NEK8: variants seen among roughly 807,000 people sequenced by gnomAD.
The protein encoded by NEK8 is NIMA related kinase 8, also known as serine/threonine-protein kinase Nek8.
A neutral mutation model predicts 77.2 loss-of-function variants in NEK8; 51 were observed. The ratio of observed to expected loss-of-function variants is 0.66; its 90% CI spans 0.53 to 0.83. The LOEUF is 0.83. Ranked by LOEUF, NEK8 falls within the 40% of genes least tolerant of loss-of-function variation. NEK8 has a pLI of 0.00. For synonymous variants in NEK8, 365 were observed against 363.2 expected (o/e 1.00, Z -0.06); for missense variants, 787 against 909.2 (o/e 0.87, Z 1.73).
chr17:28,731,200 G>T (rs1384784157), intron 1 of NEK8, among the ~76,000 whole-genome samples: 1 of 151,766 alleles, frequency 6.6e-6, no homozygotes, highest in African/African-American at 2.4e-5. Context: ...CTGTGCCATT[G>T]CACTACAGCC....
chr17:28,739,017 G>T, intron 9 of NEK8, 67 bp from the exon 10 acceptor site: 2 of 1,150,212 alleles, frequency 1.7e-6, no homozygotes, highest in Non-Finnish European at 2.6e-6. Context: ...TGTCCCTACA[G>T]GGGGTGTTGA....
rs2034384900 is a variant in NEK8 at position 28,738,099 on chromosome 17, C to T, written c.1076C>T (p.Pro359Leu). 1 of 1,613,484 alleles carries T rather than the reference C, an allele frequency of 6.2e-7. No individual in the cohort carries two copies. The highest frequency in any genetic ancestry group is 1.1e-5 in the South Asian group (1 of 91,038). ...RSGRLILWEA[P>L]PLGAGGGSLL... ...CCCATCCCCCTGCCCCTGCAGGCCC[C>T]ACCCCTAGGTGCAGGCGGAGGCAGT... The change falls in exon 8 of 15, where the codon CCA becomes CTA. Residue 359 changes from proline (P) to leucine (L), a missense_variant. Pro to Leu is a moderately conservative substitution (Grantham distance 98). Around this residue, in one of 2 missense-constraint regions of NEK8, gnomAD observed 516 missense variants for 544.0 expected, o/e 0.95. Coordinates refer to ENST00000268766, the MANE Select transcript of NEK8 (RefSeq NM_178170.3).
chr17:28,735,350 C>T lies in NEK8; in HGVS notation c.597C>T (p.Leu199=), dbSNP rs777365994. ...GTGTCCTCTACGAGCTGGCCAGCCT[C>T]AAGAGGGCTTTCGAGGCTGCGGTGA... ...LGCVLYELAS[L]KRAFEAANLP... is the part of the protein sequence containing the mutation. Residue 199 remains leucine, a synonymous_variant, in exon 4 of 15, where the codon CTC becomes CTT. Transcript: ENST00000268766. The T allele has an allele frequency of 2.5e-6, 4 of 1,613,908 alleles. No individual in the cohort carries two copies. Among genetic ancestry groups the T allele is most frequent in the Non-Finnish European group, 8.5e-7 (1 of 1,179,964 alleles).
rs537387525 is a variant in NEK8 at position 28,742,331 on chromosome 17, C to T, written c.*344C>T. ...GAAGGCAGCCGGGCGCAGTGGCTCA[C>T]GCCTGTAATCCCAGCACTTTGGGAG... On this transcript the variant is annotated 3_prime_UTR_variant, in exon 15 of 15. Transcript: ENST00000268766. The T allele has an allele frequency of 8.9e-4, 362 of 408,828 alleles. 3 individuals carry two copies. The highest frequency in any genetic ancestry group is 2.0e-3 in the South Asian group (93 of 46,336). The allele number at this position is 408,828 out of a possible 1,614,324, so 25.3% of individuals were successfully genotyped here.
Position 28,737,474 on chromosome 17 carries a change from C to G in NEK8, c.787C>G (p.Leu263Val). The G allele has an allele frequency of 4.3e-6, 7 of 1,613,136 alleles. No homozygotes were observed. Among genetic ancestry groups the G allele is most frequent in the Non-Finnish European group, 5.9e-6 (7 of 1,180,006 alleles). Reference protein sequence around the residue: ...MAQPLCIRALLNLHTDVGSVR... With the variant: ...MAQPLCIRALVNLHTDVGSVR... Reference sequence around the variant, plus strand: ...ACAGCCCCTCTGCATCCGTGCCCTCCTCAACCTCCACACCGACGTGGGCAG... The same window carrying G: ...ACAGCCCCTCTGCATCCGTGCCCTCGTCAACCTCCACACCGACGTGGGCAG... The change falls in exon 5 of 15, where the codon CTC becomes GTC. Residue 263 changes from leucine to valine, a missense_variant. Transcript: ENST00000268766. This position sits in a 1 kb window ranked among gnomAD's most constrained non-coding sequence, Gnocchi z 4.8.
At chr17:28,734,299 G>C (rs1201681653) in intron 2 of NEK8, 111 bp downstream of exon 2, 6 of 971,480 alleles carry the variant, frequency 6.2e-6, no homozygotes, top group Non-Finnish European at 9.9e-6. Flanking sequence ...AAGGGTTAGA[G>C]TTCTGGTCCC....
chr17:28,740,909 A>G lies in NEK8; in HGVS notation c.1656A>G (p.Leu552=), dbSNP rs777804200. ...TGGAGGAGGCCCTGAGCTTCACACT[A>G]CTAGGCTCTGCACCCCTGGACCAGG... ...QQVEEALSFT[L]LGSAPLDQEP... is the part of the protein sequence containing the mutation. The change falls in exon 12 of 15, where the codon CTA becomes CTG. Residue 552 remains leucine, a synonymous_variant. Coordinates refer to ENST00000268766, the MANE Select transcript of NEK8 (RefSeq NM_178170.3). This position sits in a 1 kb window ranked among gnomAD's most constrained non-coding sequence, Gnocchi z 4.7. The G allele has an allele frequency of 1.1e-5, 18 of 1,614,030 alleles. No homozygotes were observed. Among genetic ancestry groups the G allele is most frequent in the East Asian group, 2.2e-5 (1 of 44,862 alleles).
rs60028464 is a variant in NEK8 at position 28,743,072 on chromosome 17, C to CAAAAAA, written c.*1110_*1115dup. ...TGGATGACAGAGCAAGTCTCCCTCTCAAAAAAAAAAAAAAAAAAAAAAAAA... is the reference window on the plus strand; with the variant it reads ...TGGATGACAGAGCAAGTCTCCCTCTCAAAAAAAAAAAAAAAAAAAAAAAAAAAAAAA... On this transcript the variant is annotated 3_prime_UTR_variant, in exon 15 of 15. Transcript: ENST00000268766. The CAAAAAA allele has an allele frequency of 3.0e-5, 2 of 66,244 alleles. No homozygotes were observed. Among genetic ancestry groups the CAAAAAA allele is most frequent in the Admixed American group, 1.5e-4 (1 of 6,510 alleles). The allele number at this position is 66,244 out of a possible 1,614,324, so 4.1% of individuals were successfully genotyped here. A position where few individuals can be genotyped will look rare whatever the true frequency, so the allele number is the denominator to read the frequency against.
intron 1 of NEK8, among the ~76,000 whole-genome samples, chr17:28,732,060 A>G (rs772182363): frequency 1.3e-5 from 2 of 150,646 alleles, no homozygotes; most frequent in Non-Finnish European, 3.0e-5. Flanking sequence ...TCTCCCGAGT[A>G]GCTGGGACTA....
At chr17:28,734,359 G>C (rs2034340109) in intron 2 of NEK8, 171 bp downstream of exon 2, 1 of 661,314 alleles carries the variant, frequency 1.5e-6, no homozygotes, top group South Asian at 1.7e-5. Context: ...CCAGTGCCCT[G>C]TTCCATACAT....
At position 28,735,020 on chromosome 17, in the gene NEK8, AG is replaced by A; in HGVS notation, c.486+19del. 4 of 1,582,134 alleles carry A rather than the reference AG, an allele frequency of 2.5e-6. No homozygotes were observed. The highest frequency in any genetic ancestry group is 1.7e-4 in the Middle Eastern group (1 of 6,004). Reference sequence around the variant, plus strand: ...GGCCTACACGGTGCCTGGGCATGGAAGGGACCTCCAGGGCACTAGAAGTCTT... The same window carrying A: ...GGCCTACACGGTGCCTGGGCATGGAAGGACCTCCAGGGCACTAGAAGTCTT... On this transcript the variant is annotated intron_variant, in intron 3 of 14. Transcript: ENST00000268766.
At chr17:28,735,843 G>A (rs182951759) in intron 4 of NEK8, among the ~76,000 whole-genome samples, 1 of 152,174 alleles carries the variant, frequency 6.6e-6, no homozygotes, top group East Asian at 1.9e-4. Flanking sequence ...TGATACGTAT[G>A]TATACATGTG....
rs917899567 is a variant in NEK8, at chr17:28,743,101, A to G, written c.*1114A>G. 2.1e-5 allele frequency: 3 copies of G among 144,698 alleles called. No homozygotes were observed. Among genetic ancestry groups the G allele is most frequent in the South Asian group, 2.2e-4 (1 of 4,548 alleles). 9.0% of individuals were successfully genotyped at this position (144,698 alleles called of 1,614,324 possible). A position where few individuals can be genotyped will look rare whatever the true frequency, so the allele number is the denominator to read the frequency against. ...AAAAAAAAAAAAAAAAAAAAAAAAA[A>G]AGTATTTGGTGCTTACCGGGACTCT... On this transcript the variant is annotated 3_prime_UTR_variant, in exon 15 of 15. Transcript: ENST00000268766.
rs775267899 is a variant in NEK8, at chr17:28,741,075, T to C, written c.1733-3T>C. On this transcript the variant is annotated splice_region_variant and splice_polypyrimidine_tract_variant and intron_variant, in intron 12 of 14. Transcript: ENST00000268766. This position sits in a 1 kb window ranked among gnomAD's most constrained non-coding sequence, Gnocchi z 4.5. The stretch of plus-strand genomic sequence containing the variant: ...GCACCCCTTTCCTTCCTCTCCCCCA[T>C]AGCCTCGGGTGATTGCTACACTTTT... The C allele has an allele frequency of 1.2e-6, 2 of 1,614,160 alleles. No individual in the cohort carries two copies. Among genetic ancestry groups the C allele is most frequent in the South Asian group, 1.1e-5 (1 of 91,084 alleles).
intron 8 of NEK8, 28 bp downstream of exon 8, chr17:28,738,273 C>G: frequency 6.2e-7 from 1 of 1,613,934 alleles, no homozygotes; most frequent in South Asian, 1.1e-5. Flanking sequence ...CCTTGTGGGA[C>G]CTGCTCTGAG....
At position 28,734,839 on chromosome 17, in the gene NEK8, C is replaced by A; in HGVS notation, c.321C>A (p.His107Gln). The change falls in exon 3 of 15, where the codon CAC (histidine) becomes CAA (glutamine). Residue 107 changes from histidine to glutamine, a missense_variant. Coordinates refer to ENST00000268766, the MANE Select transcript of NEK8 (RefSeq NM_178170.3). ...TGCTGGAGGAGGAGACCATCCTGCA[C>A]TTCTTCGTGCAGATCCTGCTTGCAC... is the stretch of plus-strand genomic sequence containing the variant. ...NSLLEEETIL[H>Q]FFVQILLALH... is the part of the protein sequence containing the mutation. 2 of 1,613,900 alleles carry A rather than the reference C, an allele frequency of 1.2e-6. No homozygotes were observed. The highest frequency in any genetic ancestry group is 8.5e-7 in the Non-Finnish European group (1 of 1,180,016).
chr17:28,731,403 G>A (rs1179779873), intron 1 of NEK8, among the ~76,000 whole-genome samples: 1 of 151,392 alleles, frequency 6.6e-6, no homozygotes, highest in Non-Finnish European at 1.5e-5. Flanking sequence ...CTGGGCGTGG[G>A]TGGCACGCGC....
Position 28,741,928 on chromosome 17 carries a change from G to GC in NEK8, c.2051-30dup, listed in dbSNP as rs766972863. On this transcript the variant is annotated intron_variant, in intron 14 of 14. Coordinates refer to ENST00000268766, the MANE Select transcript of NEK8 (RefSeq NM_178170.3). The surrounding 1 kb of genome is among the most constrained non-coding windows in gnomAD (Gnocchi z 4.5). The stretch of plus-strand genomic sequence containing the variant: ...ATTTCTGGAGGCACTGCCCTCAGAA[G>GC]CTGCAAGGGTTTCTCTTCGGTACCC... The GC allele has an allele frequency of 3.0e-5, 48 of 1,613,820 alleles. No individual in the cohort carries two copies. The South Asian group carries it at 5.3e-4, about 18-fold the overall frequency.
At chr17:28,738,562 C>A in intron 8 of NEK8, 109 bp from the exon 9 acceptor site, 1 of 958,656 alleles carries the variant, frequency 1.0e-6, no homozygotes, top group Non-Finnish European at 1.7e-6. Context: ...ATCCTTCCAG[C>A]CCTGGTCCCC....
Sources: gnomAD v4.1 joint callset for allele counts (sites outside exome capture counted in the v4.1 genomes callset) on GRCh38, gnomAD v4.1.1 for gene constraint, gnomAD v4.1.1 regional missense constraint, Gnocchi (gnomAD v3.1) non-coding constraint, MANE v1.5 for transcripts, NCBI Gene and HGNC (gene_info 2026-07-23, HGNC 2026-07-21) for gene names.